The following COL21A1 variants were observed in gnomAD, a reference collection of about 807,000 sequenced individuals.
The protein encoded by COL21A1 is collagen type XXI alpha 1 chain, also known as collagen alpha-1(XXI) chain.
COL21A1 carries 149 observed loss-of-function variants against 137.9 expected under a neutral mutation model. That is an observed-to-expected ratio of 1.08 (90% CI 0.95 to 1.24). The LOEUF (loss-of-function observed/expected upper bound fraction) is 1.24. Ranked by LOEUF, COL21A1 falls within the 50% of genes most tolerant of loss-of-function variation. The pLI is 0.00. For missense variants in COL21A1, 1,167 were observed against 1,158.4 expected (o/e 1.01, Z -0.11); for synonymous variants, 456 against 391.5 (o/e 1.16, Z -1.95).
At chr6:56,154,115 T>C (rs1447279236) in intron 10 of COL21A1, among the ~76,000 whole-genome samples, 4 of 152,174 alleles carry the variant, frequency 2.6e-5, no homozygotes, top group Non-Finnish European at 4.4e-5. Context: ...ATGGAGACAC[T>C]TATTGTGGGA....
chr6:56,277,063 G>T (rs531623427), intron 1 of COL21A1, among the ~76,000 whole-genome samples: 14 of 151,674 alleles, frequency 9.2e-5, no homozygotes, highest in African/African-American at 2.9e-4. Flanking sequence ...CTCATGATCC[G>T]CCCGCCTCGA....
chr6:56,188,499 A>G (rs1012413276), intron 1 of COL21A1, among the ~76,000 whole-genome samples: 1 of 152,226 alleles, frequency 6.6e-6, no homozygotes, highest in African/African-American at 2.4e-5. Context: ...AGGAACTTAT[A>G]GATAAAACTC....
At chr6:56,235,406 T>C (rs903152261) in intron 1 of COL21A1, among the ~76,000 whole-genome samples, 2 of 151,924 alleles carry the variant, frequency 1.3e-5, no homozygotes, top group African/African-American at 4.8e-5. Context: ...TTTCTGATTG[T>C]TTAATATTCT....
chr6:56,184,495 C>T lies in COL21A1; in HGVS notation c.-38-1839G>A, dbSNP rs113227872. Among the ~76,000 whole-genome samples the T allele has an allele frequency of 6.2e-3, 949 of 152,068 alleles. 5 individuals are homozygous for T. The highest frequency in any genetic ancestry group is 0.02 in the Middle Eastern group (6 of 294). ...TAATGTGAAGTTTTAATATCCAGTC[C>T]TCAGTATTATTTAATTAGAACAGAA... On this transcript the variant is annotated intron_variant, in intron 1 of 29. Coordinates refer to ENST00000244728, the MANE Select transcript of COL21A1 (RefSeq NM_030820.4).
At chr6:56,339,562 G>A (rs1342691788) in intron 1 of COL21A1, among the ~76,000 whole-genome samples, 1 of 87,310 alleles carries the variant, frequency 1.1e-5, no homozygotes, top group Non-Finnish European at 2.5e-5. Context: ...CCAAATCTTT[G>A]GTTTTCTCTC....
At chr6:56,321,030 A>C (rs1312409273) in intron 1 of COL21A1, among the ~76,000 whole-genome samples, 1 of 152,180 alleles carries the variant, frequency 6.6e-6, no homozygotes, top group Non-Finnish European at 1.5e-5. Flanking sequence ...ACTGATGAAA[A>C]AAACAAATTT....
At chr6:56,339,570 C>A (rs920069007) in intron 1 of COL21A1, among the ~76,000 whole-genome samples, 11 of 152,046 alleles carry the variant, frequency 7.2e-5, no homozygotes, top group Non-Finnish European at 1.3e-4. Flanking sequence ...TTGGTTTTCT[C>A]TCTGTTAGTG....
At chr6:56,095,544 T>C (rs1319422443) in intron 17 of COL21A1, among the ~76,000 whole-genome samples, 1 of 152,202 alleles carries the variant, frequency 6.6e-6, no homozygotes, top group East Asian at 1.9e-4. Context: ...CACAGACACC[T>C]AAAGCCCTTC....
intron 1 of COL21A1, among the ~76,000 whole-genome samples, chr6:56,268,883 T>G (rs1763457032): frequency 6.6e-6 from 1 of 152,144 alleles, no homozygotes; most frequent in African/African-American, 2.4e-5. Context: ...TCCAGTAAGA[T>G]GATCCAAGAG....
At chr6:56,376,405 T>G (rs2152351195) in intron 1 of COL21A1, among the ~76,000 whole-genome samples, 1 of 150,792 alleles carries the variant, frequency 6.6e-6, no homozygotes, top group South Asian at 2.1e-4. Flanking sequence ...GAAGCATGAG[T>G]AAGAAATACC....
intron 10 of COL21A1, among the ~76,000 whole-genome samples, chr6:56,154,332 T>G (rs1423592852): frequency 2.0e-5 from 3 of 152,172 alleles, no homozygotes. Flanking sequence ...TATAAATTAC[T>G]TAGTCTGTGG....
chr6:56,288,865 A>G (rs1229735783), intron 1 of COL21A1, among the ~76,000 whole-genome samples: 1 of 152,208 alleles, frequency 6.6e-6, no homozygotes, highest in Admixed American at 6.5e-5. Context: ...ATGATTTTAA[A>G]GTTCTGACCT....
At chr6:56,170,927 C>T (rs1342749182) in intron 4 of COL21A1, 33 bp downstream of exon 4, 6 of 1,589,338 alleles carry the variant, frequency 3.8e-6, no homozygotes, top group Non-Finnish European at 5.1e-6. Context: ...GACATATCCC[C>T]CCAAAAAAGT....
chr6:56,191,483 C>T (rs4715588), intron 1 of COL21A1, among the ~76,000 whole-genome samples: 97,031 of 149,582 alleles, frequency 0.65, 31,853 homozygotes, highest in East Asian at 0.86. Flanking sequence ...TCCCAGTTAC[C>T]GGGGAGGCTG....
At chr6:56,236,256 T>C (rs1266906267) in intron 1 of COL21A1, among the ~76,000 whole-genome samples, 1 of 151,988 alleles carries the variant, frequency 6.6e-6, no homozygotes, top group Admixed American at 6.6e-5. Flanking sequence ...ATAAGGCTTG[T>C]TTCTGTCACT....
intron 1 of COL21A1, among the ~76,000 whole-genome samples, chr6:56,376,599 G>A (rs545202326): frequency 8.3e-4 from 127 of 152,164 alleles, no homozygotes; most frequent in Non-Finnish European, 1.5e-3. Context: ...ATCTATAAGG[G>A]GGAAAAGTAA....
Position 56,061,672 on chromosome 6 carries a change from CT to C in COL21A1, c.2181del (p.Gly728AlafsTer32). On this transcript the variant is annotated frameshift_variant, in exon 25 of 30. Coordinates refer to ENST00000244728, the MANE Select transcript of COL21A1 (RefSeq NM_030820.4). LOFTEE classifies it high-confidence loss of function. ...ACCTCTCCTTTTGCACCATGATGGC[CT>C]TGAATTCCCTTTGAAAATTAATAGA... ...RQGIPGQQGI[Q>X]GHHGAKGERG... The C allele has an allele frequency of 6.3e-7, 1 of 1,581,272 alleles. No homozygotes were observed. Among genetic ancestry groups the C allele is most frequent in the Non-Finnish European group, 8.6e-7 (1 of 1,156,736 alleles).
At chr6:56,211,591 G>A (rs1780180352) in intron 1 of COL21A1, among the ~76,000 whole-genome samples, 1 of 151,882 alleles carries the variant, frequency 6.6e-6, no homozygotes, top group African/African-American at 2.4e-5. Flanking sequence ...AAAACAAAAG[G>A]CAAAAACAAC....
chr6:56,187,865 C>A (rs1174818267), intron 1 of COL21A1, among the ~76,000 whole-genome samples: 1 of 152,058 alleles, frequency 6.6e-6, no homozygotes, highest in African/African-American at 2.4e-5. Flanking sequence ...TAAAAGACAC[C>A]ATTTAAGAAT....
Sources: allele counts gnomAD v4.1 joint callset (sites outside exome capture counted in the v4.1 genomes callset), GRCh38; gene constraint gnomAD v4.1.1; transcripts MANE v1.5; gene names NCBI Gene and HGNC (gene_info 2026-07-23, HGNC 2026-07-21).